LRRTM4: variants seen among roughly 807,000 people sequenced by gnomAD.
The protein encoded by LRRTM4 is leucine rich repeat transmembrane neuronal 4, also known as leucine-rich repeat transmembrane neuronal protein 4.
A neutral mutation model predicts 47.6 loss-of-function variants in LRRTM4; 25 were observed. The ratio of observed to expected loss-of-function variants is 0.53; its 90% CI spans 0.38 to 0.73. The LOEUF (loss-of-function observed/expected upper bound fraction) is 0.73. LRRTM4 is among the 30% of genes least tolerant of loss of function. The pLI is 0.00. For missense variants in LRRTM4, 638 were observed against 713.4 expected, an observed-to-expected ratio of 0.89 and a Z score of 1.20; for synonymous variants, 311 against 269.5, an observed-to-expected ratio of 1.15 and a Z score of -1.51.
chr2:76,873,506 G>GTGTGTATATATATATA lies in LRRTM4; in HGVS notation c.1552-124591_1552-124590insTATATATATATACACA, dbSNP rs367573475. ...TATGTGTGTGTGTATATATATGTGT[G>GTGTGTATATATATATA]TATATATATATATATATATATATAT... is the stretch of plus-strand genomic sequence containing the variant. On this transcript the variant is annotated intron_variant, in intron 3 of 3. Coordinates refer to ENST00000409884, the MANE Select transcript of LRRTM4 (RefSeq NM_001134745.3). Among the ~76,000 whole-genome samples the GTGTGTATATATATATA allele has an allele frequency of 1.8e-3, 199 of 112,300 alleles. 2 individuals carry two copies. The highest frequency in any genetic ancestry group is 6.0e-3 in the African/African-American group (186 of 30,800). The allele number at this position is 112,300 out of a possible 152,430, so 73.7% of individuals were successfully genotyped here. A position where few individuals can be genotyped will look rare whatever the true frequency, so the allele number is the denominator to read the frequency against.
At chr2:76,808,620 T>C (rs1670634157) in intron 3 of LRRTM4, among the ~76,000 whole-genome samples, 1 of 152,336 alleles carries the variant, frequency 6.6e-6, no homozygotes, top group Non-Finnish European at 1.5e-5. Context: ...TTTTATCTTT[T>C]AGCACACTTT....
intron 3 of LRRTM4, among the ~76,000 whole-genome samples, chr2:77,429,783 C>G (rs1456354684): frequency 6.6e-6 from 1 of 152,066 alleles, no homozygotes; most frequent in African/African-American, 2.4e-5. Context: ...TTCAAGAAAT[C>G]TGCCAGGTGG....
At chr2:77,480,822 G>GTGGAGAGAGAGAGA (rs1222517611) in intron 3 of LRRTM4, among the ~76,000 whole-genome samples, 44 of 74,518 alleles carry the variant, frequency 5.9e-4, no homozygotes, top group Non-Finnish European at 6.7e-4. Flanking sequence ...GTGTGTGTGT[G>GTGGAGAGAGAGAGA]GAGAGAGAGA....
At chr2:77,275,577 A>G (rs1185378456) in intron 3 of LRRTM4, among the ~76,000 whole-genome samples, 1 of 152,078 alleles carries the variant, frequency 6.6e-6, no homozygotes, top group Non-Finnish European at 1.5e-5. Flanking sequence ...ATATAAATAG[A>G]CCTAAGGCTT....
At chr2:77,342,922 T>TA (rs770575432) in intron 3 of LRRTM4, among the ~76,000 whole-genome samples, 2 of 151,974 alleles carry the variant, frequency 1.3e-5, no homozygotes, top group Non-Finnish European at 2.9e-5. Context: ...AACTGGGCCA[T>TA]AAGCACCTCT....
chr2:77,508,283 C>T (rs1678854211), intron 3 of LRRTM4, among the ~76,000 whole-genome samples: 1 of 152,166 alleles, frequency 6.6e-6, no homozygotes, highest in South Asian at 2.1e-4. Context: ...TCGACACAAA[C>T]TCTGAAGTGA....
intron 3 of LRRTM4, among the ~76,000 whole-genome samples, chr2:77,377,561 C>T (rs1672884246): frequency 6.6e-6 from 1 of 151,840 alleles, no homozygotes; most frequent in Non-Finnish European, 1.5e-5. Context: ...TTTTCTGTGT[C>T]TCTGACTTTT....
At chr2:77,182,206 T>C (rs567156149) in intron 3 of LRRTM4, among the ~76,000 whole-genome samples, 1 of 152,098 alleles carries the variant, frequency 6.6e-6, no homozygotes, top group Non-Finnish European at 1.5e-5. Context: ...ATAAAGAAAA[T>C]GTGGTATATA....
intron 3 of LRRTM4, among the ~76,000 whole-genome samples, chr2:77,486,793 GA>G (rs1204140033): frequency 6.6e-6 from 1 of 152,100 alleles, no homozygotes; most frequent in Non-Finnish European, 1.5e-5. Context: ...TACACAAAGA[GA>G]TATGCCACTT....
At chr2:77,154,579 A>G (rs189218822) in intron 3 of LRRTM4, among the ~76,000 whole-genome samples, 1 of 152,326 alleles carries the variant, frequency 6.6e-6, no homozygotes, top group East Asian at 1.9e-4. Flanking sequence ...ATGAATAAAA[A>G]GCAATAAAAA....
At chr2:76,758,515 T>A (rs918967343) in intron 3 of LRRTM4, among the ~76,000 whole-genome samples, 1 of 152,088 alleles carries the variant, frequency 6.6e-6, no homozygotes, top group South Asian at 2.1e-4. Flanking sequence ...AAAAGAGGCA[T>A]TGAGATGTAT....
At chr2:76,929,175 A>C (rs970942910) in intron 3 of LRRTM4, among the ~76,000 whole-genome samples, 21 of 152,180 alleles carry the variant, frequency 1.4e-4, no homozygotes, top group Admixed American at 2.6e-4. Context: ...AATAAAATTA[A>C]ATTAGGTCAC....
chr2:76,852,018 A>G (rs746182000), intron 3 of LRRTM4, among the ~76,000 whole-genome samples: 3 of 152,118 alleles, frequency 2.0e-5, no homozygotes, highest in Non-Finnish European at 2.9e-5. Context: ...TTAAAGACTC[A>G]AGGAAGCCTC....
chr2:77,200,015 G>C (rs369812864), intron 3 of LRRTM4, among the ~76,000 whole-genome samples: 44 of 151,778 alleles, frequency 2.9e-4, no homozygotes, highest in Admixed American at 5.3e-4. Flanking sequence ...TAAATCAAAC[G>C]TGTGGGGAAT....
intron 3 of LRRTM4, among the ~76,000 whole-genome samples, chr2:77,432,205 A>C (rs1289213890): frequency 6.6e-6 from 1 of 152,222 alleles, no homozygotes; most frequent in East Asian, 1.9e-4. Flanking sequence ...TTCAGGATAC[A>C]CTGGGTTGGG....
At chr2:77,102,896 T>C (rs1194008617) in intron 3 of LRRTM4, among the ~76,000 whole-genome samples, 1 of 152,194 alleles carries the variant, frequency 6.6e-6, no homozygotes, top group East Asian at 1.9e-4. Context: ...TTATGGCTGC[T>C]TTTGTACTAT....
intron 3 of LRRTM4, among the ~76,000 whole-genome samples, chr2:77,480,636 T>C (rs1677640223): frequency 6.6e-6 from 1 of 152,140 alleles, no homozygotes; most frequent in African/African-American, 2.4e-5. Context: ...AGCAGGCATA[T>C]TAAGCACTAC....
At chr2:77,137,818 T>G (rs1671994366) in intron 3 of LRRTM4, among the ~76,000 whole-genome samples, 1 of 152,076 alleles carries the variant, frequency 6.6e-6, no homozygotes, top group Admixed American at 6.5e-5. Flanking sequence ...AGGCAGGATT[T>G]GCAATCCTAG....
intron 3 of LRRTM4, among the ~76,000 whole-genome samples, chr2:76,843,852 C>G (rs913437996): frequency 6.6e-6 from 1 of 151,162 alleles, no homozygotes; most frequent in Non-Finnish European, 1.5e-5. Flanking sequence ...AATACTAGGC[C>G]TTTTTGTCTC....
Sources: allele counts gnomAD v4.1 joint callset (sites outside exome capture counted in the v4.1 genomes callset), GRCh38; gene constraint gnomAD v4.1.1; transcripts MANE v1.5; gene names NCBI Gene and HGNC (gene_info 2026-07-23, HGNC 2026-07-21).